DMD: variants seen among roughly 807,000 people sequenced by gnomAD.
DMD encodes the protein dystrophin.
DMD carries 63 observed loss-of-function variants against 330.1 expected under a neutral mutation model. The observed-to-expected ratio is 0.19, with a 90% CI of 0.16 to 0.24. The LOEUF (loss-of-function observed/expected upper bound fraction) is 0.24. DMD is among the 10% of genes least tolerant of loss of function. The probability of loss-of-function intolerance (pLI) is 1.00; values close to 1 mark genes in which losing one functional copy is unlikely to be tolerated. For missense variants in DMD, 3,344 were observed against 2,684.1 expected (o/e 1.25, Z -5.43); for synonymous variants, 1,223 against 959.8 (o/e 1.27, Z -5.07).
At chrX:33,232,792 T>A (rs1424583977) in intron 1 of DMD, among the ~76,000 whole-genome samples, 1 of 111,387 alleles carries the variant, frequency 9.0e-6, no homozygotes, top group Non-Finnish European at 1.9e-5. Context: ...CTCAAGAGAC[T>A]GAGGCATGAG....
At chrX:33,040,333 G>T (rs1204169352) in intron 1 of DMD, among the ~76,000 whole-genome samples, 1 of 110,648 alleles carries the variant, frequency 9.0e-6, no homozygotes, top group Non-Finnish European at 1.9e-5. Flanking sequence ...CATGGGACCC[G>T]CCTGTTCAGA....
chrX:32,654,506 G>C lies in DMD; in HGVS notation c.961-9354C>G, dbSNP rs1321955647. ...TGCATCCCAGGGATGAAGCCCACTT[G>C]ATAATGGTGGATAAGCTTTTTGATG... On this transcript the variant is annotated intron_variant, in intron 9 of 78. Coordinates refer to ENST00000357033, the MANE Select transcript of DMD (RefSeq NM_004006.3). Among the ~76,000 whole-genome samples the C allele has an allele frequency of 1.1e-4, 12 of 111,764 alleles. No homozygotes were observed. The Admixed American group carries it at 1.1e-3, about 11-fold the overall frequency.
intron 44 of DMD, among the ~76,000 whole-genome samples, chrX:32,172,956 G>C (rs1205770303): frequency 1.8e-5 from 2 of 110,973 alleles, no homozygotes; most frequent in African/African-American, 6.6e-5. Flanking sequence ...GTATCAGAAT[G>C]ATCTGGCTAA....
chrX:31,775,069 A>T (rs1207534525), intron 50 of DMD, among the ~76,000 whole-genome samples: 1 of 111,480 alleles, frequency 9.0e-6, no homozygotes, highest in Non-Finnish European at 1.9e-5. Context: ...GTTCAGTACT[A>T]GCAATAAGCA....
intron 4 of DMD, among the ~76,000 whole-genome samples, chrX:32,840,730 G>T (rs5972687): frequency 9.0e-6 from 1 of 110,734 alleles, no homozygotes; most frequent in Non-Finnish European, 1.9e-5. Context: ...ACATTTTAAC[G>T]ACTTCATCTT....
At position 31,867,287 on chromosome X, in the gene DMD, G is replaced by T. The variant is rs180856509; in HGVS notation, c.7098+7901C>A. Among the ~76,000 whole-genome samples the T allele has an allele frequency of 6.3e-3, 686 of 108,590 alleles. 6 individuals are homozygous for T. Among genetic ancestry groups the T allele is most frequent in the African/African-American group, 0.02 (613 of 29,968 alleles). 94.3% of individuals were successfully genotyped at this position (108,590 alleles called of 115,157 possible). A position where few individuals can be genotyped will look rare whatever the true frequency, so the allele number is the denominator to read the frequency against. On this transcript the variant is annotated intron_variant, in intron 48 of 78. Transcript: ENST00000357033. ...CAGAATAAGTACCTGTGTTGATTTTGTATGTCCTTGAATTTTTTTAGAAAG... is the reference window on the plus strand; with the variant it reads ...CAGAATAAGTACCTGTGTTGATTTTTTATGTCCTTGAATTTTTTTAGAAAG...
At chrX:32,727,812 A>T (rs2067066431) in intron 7 of DMD, among the ~76,000 whole-genome samples, 1 of 109,033 alleles carries the variant, frequency 9.2e-6, no homozygotes, top group South Asian at 3.7e-4. Context: ...ACTTTTATTT[A>T]CCAAATTAGA....
intron 44 of DMD, among the ~76,000 whole-genome samples, chrX:32,141,578 T>C (rs1449003848): frequency 9.0e-6 from 1 of 111,476 alleles, no homozygotes; most frequent in African/African-American, 3.3e-5. Context: ...TCTCCTTTGC[T>C]CTCTGTGCCT....
chrX:32,704,975 C>A (rs145374367), intron 7 of DMD, among the ~76,000 whole-genome samples: 1,154 of 112,150 alleles, frequency 0.01, 13 homozygotes, highest in African/African-American at 0.035. Flanking sequence ...CATCTGATAT[C>A]TAAATGCTGG....
At chrX:31,372,953 C>T (rs896753759) in intron 60 of DMD, among the ~76,000 whole-genome samples, 1 of 111,801 alleles carries the variant, frequency 8.9e-6, no homozygotes, top group African/African-American at 3.3e-5. Flanking sequence ...TCTCCTTAAG[C>T]TGATAAGCAA....
At chrX:31,453,764 G>GAAAA (rs2065932925) in intron 59 of DMD, among the ~76,000 whole-genome samples, 1 of 1,035 alleles carries the variant, frequency 9.7e-4, no homozygotes, top group Admixed American at 0.013. Context: ...CAAAAAACAA[G>GAAAA]CAAAAAAAAA....
chrX:31,760,831 A>C (rs2149179081), intron 51 of DMD, among the ~76,000 whole-genome samples: 1 of 109,816 alleles, frequency 9.1e-6, no homozygotes, highest in African/African-American at 3.3e-5. Context: ...CAGGTAAAAA[A>C]AGATTTACTC....
chrX:32,783,278 T>TAC (rs1419704441), intron 7 of DMD, among the ~76,000 whole-genome samples: 1 of 94,699 alleles, frequency 1.1e-5, no homozygotes, highest in Non-Finnish European at 2.2e-5. Flanking sequence ...ATGGTATATA[T>TAC]ACACCATATA....
chrX:33,151,722 C>T (rs2048292402), intron 1 of DMD, among the ~76,000 whole-genome samples: 2 of 111,623 alleles, frequency 1.8e-5, no homozygotes, highest in South Asian at 7.5e-4. Context: ...ATATGCCAAT[C>T]ATACCTCAAT....
intron 7 of DMD, among the ~76,000 whole-genome samples, chrX:32,777,277 T>TGGGGGGGGGGGGGCTGG (rs546914107): frequency 4.7e-4 from 1 of 2,111 alleles, no homozygotes. Flanking sequence ...GGTTTCTGGT[T>TGGGGGGGGGGGGGCTGG]GGGGGGGGAA....
At chrX:31,145,662 A>ATTT (rs749721258) in intron 76 of DMD, among the ~76,000 whole-genome samples, 5 of 86,320 alleles carry the variant, frequency 5.8e-5, no homozygotes, top group African/African-American at 9.3e-5. Context: ...TGGGAACTCT[A>ATTT]TTTTTTTTTT....
chrX:32,772,987 G>C (rs1415683926), intron 7 of DMD, among the ~76,000 whole-genome samples: 1 of 111,910 alleles, frequency 8.9e-6, no homozygotes, highest in Non-Finnish European at 1.9e-5. Flanking sequence ...TCTGTCGAGA[G>C]CATACTTAGA....
At chrX:32,846,443 C>T (rs1200006215) in intron 3 of DMD, among the ~76,000 whole-genome samples, 1 of 111,013 alleles carries the variant, frequency 9.0e-6, no homozygotes, top group African/African-American at 3.3e-5. Flanking sequence ...CAAGTAGTTC[C>T]TCACCCTAGA....
intron 19 of DMD, among the ~76,000 whole-genome samples, chrX:32,494,441 G>A (rs950402910): frequency 1.1e-4 from 12 of 111,157 alleles, no homozygotes; most frequent in African/African-American, 3.9e-4. Context: ...TGAGAATTCT[G>A]GCGTTAAAGA....
Sources: gnomAD v4.1 joint callset for allele counts (sites outside exome capture counted in the v4.1 genomes callset) on GRCh38, gnomAD v4.1.1 for gene constraint, MANE v1.5 for transcripts, NCBI Gene and HGNC (gene_info 2026-07-23, HGNC 2026-07-21) for gene names.